The following GALNT13 variants were observed in gnomAD, a reference collection of about 807,000 sequenced individuals.
GALNT13 encodes the protein polypeptide N-acetylgalactosaminyltransferase 13.
A neutral mutation model predicts 64.2 loss-of-function variants in GALNT13; 28 were observed. The ratio of observed to expected loss-of-function variants is 0.44; its 90% CI spans 0.32 to 0.60. The LOEUF (loss-of-function observed/expected upper bound fraction) is 0.60, where lower values mean the gene tolerates loss of function less well. Among genes scored for constraint, GALNT13 ranks in the 20% least tolerant of loss-of-function variants. GALNT13 has a pLI of 0.05. For synonymous variants in GALNT13, 214 were observed against 224.6 expected, an observed-to-expected ratio of 0.95 and a Z score of 0.42; for missense variants, 577 against 669.8, an observed-to-expected ratio of 0.86 and a Z score of 1.53.
chr2:153,641,480 A>G, the GALNT13 span, among the ~76,000 whole-genome samples: 2 of 152,128 alleles, frequency 1.3e-5, no homozygotes, highest in East Asian at 1.9e-4. Flanking sequence ...ACCTGAAGGT[A>G]TTGTTCTCAC....
the GALNT13 span, among the ~76,000 whole-genome samples, chr2:153,808,238 A>G: frequency 6.6e-6 from 1 of 152,100 alleles, no homozygotes; most frequent in Non-Finnish European, 1.5e-5. Flanking sequence ...TATTAGCAAT[A>G]TTCTATAGTT....
chr2:153,548,899 A>T, the GALNT13 span, among the ~76,000 whole-genome samples: 3 of 152,222 alleles, frequency 2.0e-5, no homozygotes, highest in Non-Finnish European at 4.4e-5. Flanking sequence ...CAGATTAAAA[A>T]TTTGGTGTAG....
At chr2:153,601,180 G>C in the GALNT13 span, among the ~76,000 whole-genome samples, 2 of 147,594 alleles carry the variant, frequency 1.4e-5, no homozygotes, top group African/African-American at 5.0e-5. Context: ...TTTTTGCCCT[G>C]TCAATTTATA....
At chr2:154,003,336 T>C (rs1212654840) in intron 3 of GALNT13, among the ~76,000 whole-genome samples, 3 of 152,178 alleles carry the variant, frequency 2.0e-5, no homozygotes, top group Non-Finnish European at 4.4e-5. Flanking sequence ...CAAGAAACTG[T>C]GAGTCTAAGG....
chr2:154,255,728 C>G (rs769919487), intron 7 of GALNT13, among the ~76,000 whole-genome samples: 1 of 151,782 alleles, frequency 6.6e-6, no homozygotes, highest in Non-Finnish European at 1.5e-5. Flanking sequence ...TTCCTTGATC[C>G]CCAGATGGTT....
the GALNT13 span, among the ~76,000 whole-genome samples, chr2:153,681,917 A>T: frequency 6.6e-6 from 1 of 151,606 alleles, no homozygotes. Context: ...ATCACTCAAT[A>T]CTCAGTTTCG....
the GALNT13 span, among the ~76,000 whole-genome samples, chr2:153,308,242 G>A: frequency 6.6e-6 from 1 of 152,076 alleles, no homozygotes; most frequent in Non-Finnish European, 1.5e-5. Context: ...ATATTTTGAA[G>A]GGAATCTTTC....
chr2:153,785,414 G>A, the GALNT13 span, among the ~76,000 whole-genome samples: 1 of 152,172 alleles, frequency 6.6e-6, no homozygotes, highest in African/African-American at 2.4e-5. Flanking sequence ...AGCCATCACT[G>A]TTGATATAGC....
At chr2:153,267,689 A>G in the GALNT13 span, among the ~76,000 whole-genome samples, 2 of 152,184 alleles carry the variant, frequency 1.3e-5, no homozygotes, top group Admixed American at 6.5e-5. Context: ...GATACTGTGA[A>G]GATCTCTGAT....
the GALNT13 span, among the ~76,000 whole-genome samples, chr2:153,781,635 A>G: frequency 6.6e-6 from 1 of 152,108 alleles, no homozygotes. Context: ...TTTTATGTTT[A>G]CATATCTCAG....
intron 9 of GALNT13, among the ~76,000 whole-genome samples, chr2:154,310,548 GAAAT>G (rs1346431093): frequency 2.6e-5 from 4 of 152,066 alleles, no homozygotes; most frequent in African/African-American, 9.7e-5. Flanking sequence ...ATTTTGTAGA[GAAAT>G]AGTTTTATAT....
At chr2:154,058,788 G>T (rs181288842) in intron 3 of GALNT13, among the ~76,000 whole-genome samples, 3 of 152,254 alleles carry the variant, frequency 2.0e-5, no homozygotes, top group Admixed American at 6.5e-5. Context: ...GTACCTCAGG[G>T]CCTTTTAAGC....
At chr2:154,293,210 A>G (rs1324659688) in intron 8 of GALNT13, among the ~76,000 whole-genome samples, 1 of 152,202 alleles carries the variant, frequency 6.6e-6, no homozygotes, top group Non-Finnish European at 1.5e-5. Context: ...TCACTTGTTC[A>G]TGTGAATGAG....
the GALNT13 span, among the ~76,000 whole-genome samples, chr2:153,170,921 T>A: frequency 1.3e-5 from 2 of 152,258 alleles, no homozygotes; most frequent in Non-Finnish European, 1.5e-5. Flanking sequence ...AGTAAGGTTC[T>A]GAATAGATAA....
At chr2:153,355,921 A>G in the GALNT13 span, among the ~76,000 whole-genome samples, 1 of 152,220 alleles carries the variant, frequency 6.6e-6, no homozygotes, top group East Asian at 1.9e-4. Flanking sequence ...CTTGGCCCTT[A>G]TATGAGAATG....
chr2:153,162,903 A>G, the GALNT13 span, among the ~76,000 whole-genome samples: 1 of 152,146 alleles, frequency 6.6e-6, no homozygotes, highest in Non-Finnish European at 1.5e-5. Flanking sequence ...ACCCACAGAA[A>G]CACAAATTAG....
chr2:153,943,738 G>A (rs1199512172), intron 2 of GALNT13, among the ~76,000 whole-genome samples: 3 of 152,160 alleles, frequency 2.0e-5, no homozygotes, highest in Non-Finnish European at 4.4e-5. Flanking sequence ...CAGGTGATCC[G>A]CCTGCCTCGA....
chr2:153,511,234 GA>G, the GALNT13 span, among the ~76,000 whole-genome samples: 1 of 151,402 alleles, frequency 6.6e-6, no homozygotes, highest in Non-Finnish European at 1.5e-5. Context: ...GGAGAAAGAA[GA>G]AATTTCTAGA....
chr2:153,295,235 TG>T, the GALNT13 span, among the ~76,000 whole-genome samples: 1 of 152,136 alleles, frequency 6.6e-6, no homozygotes, highest in Non-Finnish European at 1.5e-5. Flanking sequence ...TACAGAGGGT[TG>T]CCAGATAACT....
Sources: allele counts gnomAD v4.1 joint callset (sites outside exome capture counted in the v4.1 genomes callset), GRCh38; gene constraint gnomAD v4.1.1; transcripts MANE v1.5; gene names NCBI Gene and HGNC (gene_info 2026-07-23, HGNC 2026-07-21).